TTC3: variants seen among roughly 807,000 people sequenced by gnomAD.
TTC3 encodes tetratricopeptide repeat domain 3, also known as E3 ubiquitin-protein ligase TTC3.
A neutral mutation model predicts 249.6 loss-of-function variants in TTC3; 180 were observed. The ratio of observed to expected loss-of-function variants is 0.72; its 90% CI spans 0.64 to 0.82. TTC3 has a LOEUF of 0.82. Ranked by LOEUF, TTC3 falls within the 40% of genes least tolerant of loss-of-function variation. TTC3 has a pLI of 0.00. For missense variants in TTC3, 2,061 were observed against 2,398.4 expected (o/e 0.86, Z 2.94); for synonymous variants, 717 against 805.0 (o/e 0.89, Z 1.85).
intron 11 of TTC3, among the ~76,000 whole-genome samples, chr21:37,112,570 G>T (rs550815298): frequency 3.9e-5 from 6 of 152,252 alleles, no homozygotes; most frequent in African/African-American, 1.4e-4. Flanking sequence ...ATCAAAAAAA[G>T]TCCGGAACCA....
chr21:37,182,312 A>G (rs1246598343), intron 35 of TTC3, among the ~76,000 whole-genome samples: 2 of 152,250 alleles, frequency 1.3e-5, no homozygotes, highest in East Asian at 3.8e-4. Flanking sequence ...CATTGTCTCC[A>G]AAGAGGTTTT....
At chr21:37,186,702 C>T (rs1263683673) in intron 37 of TTC3, among the ~76,000 whole-genome samples, 2 of 152,240 alleles carry the variant, frequency 1.3e-5, no homozygotes, top group Non-Finnish European at 2.9e-5. Context: ...ACTGGGATTA[C>T]AGGCCTAAGC....
chr21:37,191,629 A>AGT (rs2084121258), intron 40 of TTC3, among the ~76,000 whole-genome samples: 1 of 152,118 alleles, frequency 6.6e-6, no homozygotes, highest in African/African-American at 2.4e-5. Flanking sequence ...CCCAGGCTGG[A>AGT]GTGCAGTGGT....
chr21:37,129,941 C>T (rs1274612386), intron 16 of TTC3, among the ~76,000 whole-genome samples: 2 of 152,156 alleles, frequency 1.3e-5, no homozygotes, highest in Admixed American at 6.5e-5. Context: ...CTGGCCTTGC[C>T]TCCTGTCTTT....
At chr21:37,155,555 A>T (rs1429442676) in intron 27 of TTC3, among the ~76,000 whole-genome samples, 1 of 152,218 alleles carries the variant, frequency 6.6e-6, no homozygotes, top group African/African-American at 2.4e-5. Context: ...TTAATCCAGA[A>T]GCAAGCAGTC....
In TTC3 at chr21:37,082,651, G is replaced by A. The variant is rs191283655; in HGVS notation, c.-11-4596G>A. ...CTAGCTCAAGGTTTGTTGCTTTTGC[G>A]TGGAGAGGGTGCCTTCACATGTTCC... On this transcript the variant is annotated intron_variant, in intron 1 of 45. Transcript: ENST00000355666. 4.9e-4 allele frequency: 487 copies of A among 985,190 alleles called. 1 individual carries two copies. In the African/African-American group the frequency reaches 7.5e-3, roughly 15 times the overall value. 61.0% of individuals were successfully genotyped at this position (985,190 alleles called of 1,614,324 possible).
At chr21:37,128,340 C>T (rs1245405017) in intron 15 of TTC3, among the ~76,000 whole-genome samples, 1 of 152,194 alleles carries the variant, frequency 6.6e-6, no homozygotes, top group Non-Finnish European at 1.5e-5. Context: ...AATCTGGGCT[C>T]ACAGAGCTGG....
intron 20 of TTC3, among the ~76,000 whole-genome samples, chr21:37,144,269 AAAC>A (rs2078785082): frequency 6.6e-6 from 1 of 152,044 alleles, no homozygotes; most frequent in Admixed American, 6.6e-5. Context: ...TATAAACAAC[AAAC>A]AACAAAAAAG....
intron 20 of TTC3, among the ~76,000 whole-genome samples, chr21:37,144,201 C>A (rs1016859363): frequency 1.3e-5 from 2 of 151,572 alleles, no homozygotes; most frequent in African/African-American, 2.4e-5. Flanking sequence ...ATGTAACAAA[C>A]CTGCACGTTG....
rs145156011 is a variant in TTC3 at position 37,086,749 on chromosome 21, A to G, written c.-11-498A>G. 1.4e-3 allele frequency: 224 copies of G among 158,942 alleles called. 2 individuals carry two copies. Among genetic ancestry groups the G allele is most frequent in the African/African-American group, 4.9e-3 (204 of 41,612 alleles). 9.8% of individuals were successfully genotyped at this position (158,942 alleles called of 1,614,324 possible). On this transcript the variant is annotated intron_variant, in intron 1 of 45. Transcript: ENST00000355666. ...GGATAGGAGAATATGAGCAGTTGAT[A>G]GGAAAGTTCTCAGTGGAGTCAGGAT...
At chr21:37,112,484 A>T (rs1443036352) in intron 11 of TTC3, among the ~76,000 whole-genome samples, 2 of 152,344 alleles carry the variant, frequency 1.3e-5, no homozygotes, top group African/African-American at 4.8e-5. Flanking sequence ...TCCCAAGACT[A>T]AACCAGGAAG....
At chr21:37,201,410 C>T (rs1569213822) in intron 45 of TTC3, 30 bp from the exon 46 acceptor site, 1 of 1,612,854 alleles carries the variant, frequency 6.2e-7, no homozygotes. Context: ...GTCCTGAAGG[C>T]ATCTTCTGAT....
intron 13 of TTC3, among the ~76,000 whole-genome samples, chr21:37,124,241 C>A (rs1313102967): frequency 6.6e-6 from 1 of 150,676 alleles, no homozygotes; most frequent in Non-Finnish European, 1.5e-5. Flanking sequence ...TCAGCCTCCC[C>A]AGTCGCTGGG....
intron 10 of TTC3, among the ~76,000 whole-genome samples, chr21:37,101,981 ATATAT>A (rs1360879482): frequency 6.7e-6 from 1 of 149,802 alleles, no homozygotes. Flanking sequence ...TAAATTATAG[ATATAT>A]TAGTATGTAG....
chr21:37,117,828 G>A (rs1414078526), intron 11 of TTC3, among the ~76,000 whole-genome samples: 1 of 118,672 alleles, frequency 8.4e-6, no homozygotes, highest in African/African-American at 3.7e-5. Flanking sequence ...CTATGATTGC[G>A]CCACTTCAAA....
chr21:37,160,303 T>C (rs1317855839), intron 29 of TTC3, among the ~76,000 whole-genome samples: 1 of 152,150 alleles, frequency 6.6e-6, no homozygotes, highest in East Asian at 1.9e-4. Flanking sequence ...CAGGAGCAAA[T>C]CATCTATCTA....
intron 35 of TTC3, among the ~76,000 whole-genome samples, chr21:37,182,452 A>G (rs998725333): frequency 1.3e-5 from 2 of 152,250 alleles, no homozygotes; most frequent in Non-Finnish European, 1.5e-5. Context: ...CAACTAAAAC[A>G]TGCATACACT....
At chr21:37,094,772 G>A (rs1351709581) in intron 8 of TTC3, among the ~76,000 whole-genome samples, 1 of 152,132 alleles carries the variant, frequency 6.6e-6, no homozygotes, top group African/African-American at 2.4e-5. Context: ...TAAGGTGATG[G>A]TTTTGTTTAC....
intron 35 of TTC3, among the ~76,000 whole-genome samples, chr21:37,174,911 C>A (rs973716274): frequency 6.6e-6 from 1 of 152,138 alleles, no homozygotes; most frequent in Non-Finnish European, 1.5e-5. Context: ...ACCCAAAATT[C>A]TGCTTGTGCC....
Sources: gnomAD v4.1 joint callset for allele counts (sites outside exome capture counted in the v4.1 genomes callset) on GRCh38, gnomAD v4.1.1 for gene constraint, MANE v1.5 for transcripts, NCBI Gene and HGNC (gene_info 2026-07-23, HGNC 2026-07-21) for gene names.